Variants in PDE1A observed in about 807,000 individuals in gnomAD.
PDE1A encodes dual specificity calcium/calmodulin-dependent 3',5'-cyclic nucleotide phosphodiesterase 1A.
In PDE1A, 35 loss-of-function variants were observed where a neutral mutation model predicts 61.7. The observed-to-expected ratio is 0.57, with a 90% CI of 0.43 to 0.75. The LOEUF is 0.75. PDE1A is among the 30% of genes least tolerant of loss of function. PDE1A has a pLI of 0.00. For missense variants in PDE1A, 597 were observed against 630.6 expected (o/e 0.95, Z 0.57); for synonymous variants, 232 against 213.2 (o/e 1.09, Z -0.77).
rs551535972 is a variant in PDE1A, at chr2:182,265,842, A to C, written c.54-1428T>G. On this transcript the variant is annotated intron_variant, in intron 1 of 13. Transcript: ENST00000351439. ...TACTTGTCTATTTTCCTAAGTCATC[A>C]GACAGAATTTAATTCCATTCTATTC... 3.9e-4 allele frequency among the ~76,000 whole-genome samples: 59 copies of C among 152,308 alleles called. No individual in the cohort carries two copies. In the South Asian group the frequency reaches 0.012, roughly 31 times the overall value.
chr2:182,312,499 C>G (rs2125955017), intron 1 of PDE1A, among the ~76,000 whole-genome samples: 1 of 152,178 alleles, frequency 6.6e-6, no homozygotes, highest in African/African-American at 2.4e-5. Context: ...ATACTCCTAG[C>G]AGTTTATTTT....
At chr2:182,277,649 C>G (rs1306663412) in intron 1 of PDE1A, among the ~76,000 whole-genome samples, 1 of 151,942 alleles carries the variant, frequency 6.6e-6, no homozygotes, top group African/African-American at 2.4e-5. Context: ...AAAAAATTGC[C>G]CTAGGTTGTC....
chr2:182,194,750 T>C (rs1466776535), intron 10 of PDE1A, among the ~76,000 whole-genome samples: 1 of 152,022 alleles, frequency 6.6e-6, no homozygotes, highest in Non-Finnish European at 1.5e-5. Flanking sequence ...CTTCCAGAAA[T>C]ATACAGCATT....
chr2:182,292,327 A>G (rs545720769), intron 1 of PDE1A, among the ~76,000 whole-genome samples: 8 of 152,024 alleles, frequency 5.3e-5, no homozygotes, highest in Non-Finnish European at 1.0e-4. Flanking sequence ...CTGAGAACCC[A>G]GTGTCTATAG....
chr2:182,647,841 A>G, the PDE1A span, among the ~76,000 whole-genome samples: 1 of 152,204 alleles, frequency 6.6e-6, no homozygotes, highest in Non-Finnish European at 1.5e-5. Flanking sequence ...AAACAATTAA[A>G]TGAAATTCTG....
intron 5 of PDE1A, 88 bp from the exon 6 acceptor site, chr2:182,230,234 T>A (rs940608851): frequency 1.0e-6 from 1 of 966,812 alleles, no homozygotes; most frequent in Non-Finnish European, 1.5e-6. Flanking sequence ...AACATATTAG[T>A]GAGTCAGATG....
chr2:182,321,383 C>A (rs774796395), intron 1 of PDE1A, among the ~76,000 whole-genome samples: 2 of 152,108 alleles, frequency 1.3e-5, no homozygotes, highest in Admixed American at 6.6e-5. Context: ...TATGTTAGAA[C>A]AAGTCTGATG....
At chr2:182,631,117 A>G in the PDE1A span, among the ~76,000 whole-genome samples, 1 of 152,014 alleles carries the variant, frequency 6.6e-6, no homozygotes, top group African/African-American at 2.4e-5. Flanking sequence ...CTGGAGACCC[A>G]AGAAAGTCAG....
chr2:182,561,994 G>A, the PDE1A span, among the ~76,000 whole-genome samples: 9 of 151,558 alleles, frequency 5.9e-5, no homozygotes, highest in Admixed American at 2.0e-4. Flanking sequence ...CAATCATGTC[G>A]TCTGCAAACA....
chr2:182,690,619 C>A, the PDE1A span, among the ~76,000 whole-genome samples: 1 of 152,188 alleles, frequency 6.6e-6, no homozygotes, highest in African/African-American at 2.4e-5. Flanking sequence ...AAAACTGGCA[C>A]AAGACAGGGA....
chr2:182,536,002 C>CAAAATA, the PDE1A span, among the ~76,000 whole-genome samples: 28 of 152,184 alleles, frequency 1.8e-4, no homozygotes, highest in East Asian at 5.2e-3. Context: ...GTGAACAGTC[C>CAAAATA]GAAATAGCGA....
chr2:182,694,852 GT>G, the PDE1A span, among the ~76,000 whole-genome samples: 13 of 139,316 alleles, frequency 9.3e-5, no homozygotes, highest in Middle Eastern at 3.7e-3. Context: ...TTGTTTGTTT[GT>G]TTTTTTTTTA....
intron 3 of PDE1A, among the ~76,000 whole-genome samples, chr2:182,238,659 A>G (rs1690257298): frequency 6.6e-6 from 1 of 152,214 alleles, no homozygotes; most frequent in Non-Finnish European, 1.5e-5. Context: ...TGGGGATTCA[A>G]CAGTGATTTA....
chr2:182,276,550 G>C (rs916313593), intron 1 of PDE1A, among the ~76,000 whole-genome samples: 1 of 151,812 alleles, frequency 6.6e-6, no homozygotes, highest in Non-Finnish European at 1.5e-5. Context: ...TGTCACCTCA[G>C]GACCACTATT....
intron 2 of PDE1A, among the ~76,000 whole-genome samples, chr2:182,463,196 G>A (rs758259497): frequency 3.4e-4 from 51 of 151,720 alleles, no homozygotes; most frequent in Non-Finnish European, 6.2e-4. Context: ...CTGAGAGTGC[G>A]CCACTGCACT....
At chr2:182,712,856 C>T in the PDE1A span, among the ~76,000 whole-genome samples, 1 of 152,088 alleles carries the variant, frequency 6.6e-6, no homozygotes. Context: ...GCGCCTGGCT[C>T]AGTTTTTTTA....
the PDE1A span, among the ~76,000 whole-genome samples, chr2:182,608,350 C>G: frequency 8.5e-5 from 13 of 152,248 alleles, no homozygotes; most frequent in African/African-American, 3.1e-4. Flanking sequence ...TCGGCGCCTC[C>G]TCGGCCTTGG....
chr2:182,527,321 AAAAAAAATATATATATAT>A (rs1387261335), upstream of PDE1A, among the ~76,000 whole-genome samples: 5 of 45,090 alleles, frequency 1.1e-4, 1 homozygote, highest in East Asian at 1.9e-3. Context: ...AAAAAAAAAA[AAAAAAAATATATATATAT>A]ATATATATAT....
chr2:182,154,534 A>C (rs1228692218), intron 13 of PDE1A, among the ~76,000 whole-genome samples: 1 of 152,138 alleles, frequency 6.6e-6, no homozygotes, highest in Non-Finnish European at 1.5e-5. Context: ...TCATGGGGGC[A>C]GTTTCCCCAT....
Sources: gnomAD v4.1 joint callset for allele counts (sites outside exome capture counted in the v4.1 genomes callset) on GRCh38, gnomAD v4.1.1 for gene constraint, MANE v1.5 for transcripts, NCBI Gene and HGNC (gene_info 2026-07-23, HGNC 2026-07-21) for gene names.